SNRPD3: variants seen among roughly 807,000 people sequenced by gnomAD.
The protein encoded by SNRPD3 is small nuclear ribonucleoprotein Sm D3.
For synonymous variants in SNRPD3, 66 were observed against 58.4 expected (o/e 1.13, Z -0.59); for missense variants, 73 against 167.5 (o/e 0.44, Z 3.11).
chr22:24,557,906 G>A, intron 2 of SNRPD3, 106 bp downstream of exon 2: 1 of 1,167,140 alleles, frequency 8.6e-7, no homozygotes, highest in Non-Finnish European at 1.2e-6. Context: ...ATTCAGCAGT[G>A]ATTTCCTAAG....
intron 3 of SNRPD3, among the ~76,000 whole-genome samples, chr22:24,570,815 CTTTTTTTT>C (rs10705174): frequency 1.5e-3 from 160 of 106,712 alleles, no homozygotes; most frequent in Non-Finnish European, 2.2e-3. Context: ...TGAAATAATT[CTTTTTTTT>C]TTTTTTTTTT....
At chr22:24,565,596 A>G (rs2045189689) in intron 2 of SNRPD3, among the ~76,000 whole-genome samples, 1 of 152,152 alleles carries the variant, frequency 6.6e-6, no homozygotes, top group Admixed American at 6.5e-5. Flanking sequence ...CTTTAGGCCT[A>G]TTTTGTGTCT....
chr22:24,568,262 G>A, intron 3 of SNRPD3, 86 bp downstream of exon 3: 1 of 1,074,266 alleles, frequency 9.3e-7, no homozygotes, highest in East Asian at 2.5e-5. Flanking sequence ...TGGAGACAGA[G>A]AGGGTTTGAC....
chr22:24,568,221 G>A (rs766532567), intron 3 of SNRPD3, 45 bp downstream of exon 3: 11 of 1,499,104 alleles, frequency 7.3e-6, no homozygotes, highest in Non-Finnish European at 1.0e-5. Context: ...GGTTTGTCTT[G>A]TGTCTTGTAG....
At chr22:24,560,723 T>TGGCCC (rs2045131064) in intron 2 of SNRPD3, among the ~76,000 whole-genome samples, 1 of 88,828 alleles carries the variant, frequency 1.1e-5, no homozygotes, top group Non-Finnish European at 2.1e-5. Flanking sequence ...GCCTTTTTTT[T>TGGCCC]TTTTTTTTTT....
chr22:24,555,883 A>C (rs1391199679), upstream of SNRPD3: 2 of 1,511,714 alleles, frequency 1.3e-6, no homozygotes, highest in Non-Finnish European at 1.8e-6. Flanking sequence ...CCCAGCCGGC[A>C]GGCGGAGTGA....
Position 24,572,126 on chromosome 22 carries a change from T to A in SNRPD3, c.*149T>A. The A allele has an allele frequency of 1.4e-6, 2 of 1,437,284 alleles. No homozygotes were observed. Among genetic ancestry groups the A allele is most frequent in the Non-Finnish European group, 1.9e-6 (2 of 1,046,740 alleles). 89.0% of individuals were successfully genotyped at this position (1,437,284 alleles called of 1,614,324 possible). On this transcript the variant is annotated 3_prime_UTR_variant, in exon 4 of 4. Transcript: ENST00000215829. ...TTTAAGCTAAATAAATCTGGGGGGT[T>A]TTTTGTTCTGTTTTGTTTTGTTTTC... is the stretch of plus-strand genomic sequence containing the variant.
rs565090802 is a variant in SNRPD3 at position 24,572,494 on chromosome 22, G to A, written c.*517G>A. The A allele has an allele frequency of 5.6e-4, 134 of 240,394 alleles. 2 individuals carry two copies. The highest frequency in any genetic ancestry group is 2.8e-3 in the African/African-American group (122 of 43,186). 14.9% of individuals were successfully genotyped at this position (240,394 alleles called of 1,614,324 possible). On this transcript the variant is annotated 3_prime_UTR_variant, in exon 4 of 4. Coordinates refer to ENST00000215829, the MANE Select transcript of SNRPD3 (RefSeq NM_004175.5). ...AGGTAATTCAGGGGCTGGGTGCGGC[G>A]GCTCACGCATGTAATCCCAGCACTT...
chr22:24,560,832 C>T (rs1042182683), intron 2 of SNRPD3, among the ~76,000 whole-genome samples: 2 of 145,134 alleles, frequency 1.4e-5, no homozygotes, highest in Admixed American at 1.4e-4. Flanking sequence ...CGGGTTTAAG[C>T]AACTCTCTTG....
At chr22:24,567,315 G>A (rs2045205382) in intron 2 of SNRPD3, among the ~76,000 whole-genome samples, 1 of 152,222 alleles carries the variant, frequency 6.6e-6, no homozygotes, top group African/African-American at 2.4e-5. Context: ...ACCTTCAAGA[G>A]CTCTTCACAT....
chr22:24,560,428 CTTTTTTTTTTTTTTTTTTTTTTTTTTT>C (rs60835175), intron 2 of SNRPD3, among the ~76,000 whole-genome samples: 9 of 49,074 alleles, frequency 1.8e-4, no homozygotes, highest in South Asian at 9.9e-4. Context: ...AGCTTGCTTG[CTTTTTTTTTTTTTTTTTTTTTTTTTTT>C]TTTTTTTTTT....
In SNRPD3 at chr22:24,557,805, T is replaced by G. The variant is rs2045093416; in HGVS notation, c.126+5T>G. 3.1e-6 allele frequency: 5 copies of G among 1,605,022 alleles called. No individual in the cohort carries two copies. The highest frequency in any genetic ancestry group is 3.4e-5 in the Admixed American group (2 of 58,250). On this transcript the variant is annotated splice_donor_5th_base_variant and intron_variant, in intron 2 of 3. Coordinates refer to ENST00000215829, the MANE Select transcript of SNRPD3 (RefSeq NM_004175.5). ...GAGGACAACATGAACTGCCAGGTAT[T>G]CTGCTTTGCATGTGAGGCTGTGTGG...
chr22:24,572,019 T>A lies in SNRPD3; in HGVS notation c.*42T>A, dbSNP rs1213360094. ...GAACTTTGTCCTTTTTTCTTTCAGG[T>A]TATCTGAGTTCATTGGAGTGGGTGC... is the stretch of plus-strand genomic sequence containing the variant. On this transcript the variant is annotated 3_prime_UTR_variant, in exon 4 of 4. Transcript: ENST00000215829. 1.9e-6 allele frequency: 3 copies of A among 1,611,242 alleles called. No homozygotes were observed. Among genetic ancestry groups the A allele is most frequent in the Non-Finnish European group, 2.5e-6 (3 of 1,178,400 alleles).
rs528383304 is a variant in SNRPD3 at position 24,562,084 on chromosome 22, C to T, written c.126+4284C>T. ...TGTTGCCCAGGCTAGTCTTGCACTC[C>T]TGGACTTAAGCGATCCTCCCACCTT... On this transcript the variant is annotated intron_variant, in intron 2 of 3. Transcript: ENST00000215829. Among the ~76,000 whole-genome samples, 24 of 152,336 alleles carry T rather than the reference C, an allele frequency of 1.6e-4. No individual in the cohort carries two copies. In the East Asian group the frequency reaches 4.1e-3, roughly 26 times the overall value.
intron 2 of SNRPD3, among the ~76,000 whole-genome samples, chr22:24,565,119 A>G (rs763269627): frequency 6.6e-6 from 1 of 151,892 alleles, no homozygotes; most frequent in Non-Finnish European, 1.5e-5. Flanking sequence ...TCCTGACCTC[A>G]AGCAGTCCTC....
At chr22:24,568,301 T>A in intron 3 of SNRPD3, 125 bp downstream of exon 3, 1 of 642,242 alleles carries the variant, frequency 1.6e-6, no homozygotes, top group Non-Finnish European at 2.7e-6. Flanking sequence ...CACCACCCAC[T>A]GCCACCCCTT....
At chr22:24,560,199 C>T (rs1459712902) in intron 2 of SNRPD3, among the ~76,000 whole-genome samples, 1 of 71,602 alleles carries the variant, frequency 1.4e-5, no homozygotes, top group Admixed American at 1.9e-4. Flanking sequence ...TCACTGCAAC[C>T]TCTGCCTTCC....
Position 24,557,702 on chromosome 22 carries a change from C to T in SNRPD3, c.28C>T (p.Leu10=). 1 of 1,612,724 alleles carries T rather than the reference C, an allele frequency of 6.2e-7. No individual in the cohort carries two copies. The highest frequency in any genetic ancestry group is 1.1e-5 in the South Asian group (1 of 90,876). ...GTCTATTGGTGTGCCGATTAAAGTACTGCATGAGGCCGAGGGCCACATTGT... is the reference window on the plus strand; with the variant it reads ...GTCTATTGGTGTGCCGATTAAAGTATTGCATGAGGCCGAGGGCCACATTGT... MSIGVPIKV[L]HEAEGHIVTC... is the part of the protein sequence containing the mutation. The change falls in exon 2 of 4, where the codon CTG becomes TTG. Residue 10 remains leucine (L), a synonymous_variant. Transcript: ENST00000215829.
At chr22:24,563,204 A>ATGTGTGTGTGTGTGTG (rs1467545713) in intron 2 of SNRPD3, among the ~76,000 whole-genome samples, 3 of 99,342 alleles carry the variant, frequency 3.0e-5, no homozygotes, top group Non-Finnish European at 7.7e-5. Flanking sequence ...CCTGTCTCAT[A>ATGTGTGTGTGTGTGTG]TATGTGTGTG....
Sources: gnomAD v4.1 joint callset for allele counts (sites outside exome capture counted in the v4.1 genomes callset) on GRCh38, gnomAD v4.1.1 for gene constraint, MANE v1.5 for transcripts, NCBI Gene and HGNC (gene_info 2026-07-23, HGNC 2026-07-21) for gene names.